The following SLC9A9 variants were observed in gnomAD, a reference collection of about 807,000 sequenced individuals.
SLC9A9 encodes solute carrier family 9 member A9.
In SLC9A9, 62 loss-of-function variants were observed where a neutral mutation model predicts 77.8. The ratio of observed to expected loss-of-function variants is 0.80; its 90% CI spans 0.65 to 0.98. SLC9A9 has a LOEUF of 0.98. SLC9A9 is among the 50% of genes least tolerant of loss of function. The pLI, the probability that SLC9A9 is intolerant of heterozygous loss-of-function variation, is 0.00. For synonymous variants in SLC9A9, 320 were observed against 283.5 expected (o/e 1.13, Z -1.29); for missense variants, 775 against 774.9 (o/e 1.00, Z 0.00).
At position 143,684,077 on chromosome 3, in the gene SLC9A9, A is replaced by T. The variant is rs570361038; in HGVS notation, c.649+9115T>A. On this transcript the variant is annotated intron_variant, in intron 5 of 15. Transcript: ENST00000316549. Reference sequence around the variant, plus strand: ...TATAGTCCCATTTTATATTTGGAGTAACTGAGGCCAAGTGAGTCAGATAAA... The same window carrying T: ...TATAGTCCCATTTTATATTTGGAGTTACTGAGGCCAAGTGAGTCAGATAAA... 3.3e-5 allele frequency among the ~76,000 whole-genome samples: 5 copies of T among 151,928 alleles called. No individual in the cohort carries two copies. In the South Asian group the frequency reaches 1.0e-3, roughly 31 times the overall value.
rs571643198 is a variant in SLC9A9 at position 143,817,303 on chromosome 3, C to T, written c.378+14716G>A. Among the ~76,000 whole-genome samples, 6 of 150,910 alleles carry T rather than the reference C, an allele frequency of 4.0e-5. No homozygotes were observed. The East Asian group carries it at 5.8e-4, about 15-fold the overall frequency. ...AGCTGGGACTACAGGCGCCCGCCAC[C>T]GCGCCCGGCTAATTTTTTGTATTTT... On this transcript the variant is annotated intron_variant, in intron 2 of 15. Coordinates refer to ENST00000316549, the MANE Select transcript of SLC9A9 (RefSeq NM_173653.4).
intron 4 of SLC9A9, among the ~76,000 whole-genome samples, chr3:143,791,156 A>G (rs1410745399): frequency 2.6e-5 from 4 of 152,236 alleles, no homozygotes; most frequent in Admixed American, 2.6e-4. Flanking sequence ...CTACTTCTCA[A>G]GTGATAAAAT....
intron 12 of SLC9A9, among the ~76,000 whole-genome samples, chr3:143,389,673 C>T (rs1004653170): frequency 6.6e-6 from 1 of 152,146 alleles, no homozygotes; most frequent in South Asian, 2.1e-4. Flanking sequence ...AAAATAGCAA[C>T]CCCCTCAGAG....
intron 12 of SLC9A9, among the ~76,000 whole-genome samples, chr3:143,453,700 C>G (rs1306103624): frequency 6.6e-6 from 1 of 152,112 alleles, no homozygotes; most frequent in African/African-American, 2.4e-5. Flanking sequence ...TAACATGTAT[C>G]TTTTCCCATT....
intron 2 of SLC9A9, among the ~76,000 whole-genome samples, chr3:143,803,080 C>T (rs2008610344): frequency 6.6e-6 from 1 of 152,156 alleles, no homozygotes; most frequent in Non-Finnish European, 1.5e-5. Context: ...ACTCTACAAC[C>T]TCGATGGACT....
chr3:143,352,600 A>T (rs1251426544), intron 14 of SLC9A9, among the ~76,000 whole-genome samples: 1 of 134,390 alleles, frequency 7.4e-6, no homozygotes, highest in Non-Finnish European at 1.5e-5. Context: ...TAGCTAAAAA[A>T]CATTCTAGTA....
Position 143,318,299 on chromosome 3 carries a change from T to C in SLC9A9, c.1604+45185A>G, listed in dbSNP as rs903800378. 3.3e-5 allele frequency among the ~76,000 whole-genome samples: 5 copies of C among 152,310 alleles called. 1 individual carries two copies. In the South Asian group the frequency reaches 6.2e-4, roughly 19 times the overall value. On this transcript the variant is annotated intron_variant, in intron 14 of 15. Coordinates refer to ENST00000316549, the MANE Select transcript of SLC9A9 (RefSeq NM_173653.4). ...ATGAGAAATAAACAACTGAGAACGATATTAGGAAGAAGCTGTCATTCCTGC... is the reference window on the plus strand; with the variant it reads ...ATGAGAAATAAACAACTGAGAACGACATTAGGAAGAAGCTGTCATTCCTGC...
At chr3:143,516,400 T>C (rs1169139788) in intron 9 of SLC9A9, among the ~76,000 whole-genome samples, 2 of 152,302 alleles carry the variant, frequency 1.3e-5, no homozygotes, top group African/African-American at 4.8e-5. Flanking sequence ...GGATTTGTTC[T>C]GTATGTTCTT....
At chr3:143,321,034 G>C (rs796870312) in intron 14 of SLC9A9, among the ~76,000 whole-genome samples, 13 of 152,308 alleles carry the variant, frequency 8.5e-5, no homozygotes, top group African/African-American at 3.1e-4. Flanking sequence ...GAAGAGGCAA[G>C]GAAAGATTCT....
At chr3:143,440,425 C>A (rs2034710997) in intron 12 of SLC9A9, among the ~76,000 whole-genome samples, 1 of 152,162 alleles carries the variant, frequency 6.6e-6, no homozygotes, top group South Asian at 2.1e-4. Flanking sequence ...ACGGGGAAGA[C>A]TAACGTGGTT....
intron 2 of SLC9A9, among the ~76,000 whole-genome samples, chr3:143,817,606 C>T (rs560275735): frequency 1.3e-5 from 2 of 152,220 alleles, no homozygotes; most frequent in South Asian, 2.1e-4. Context: ...TAATCCATCT[C>T]GGATTTATTT....
intron 1 of SLC9A9, among the ~76,000 whole-genome samples, chr3:143,843,117 A>T (rs932899212): frequency 6.6e-6 from 1 of 152,316 alleles, no homozygotes; most frequent in African/African-American, 2.4e-5. Flanking sequence ...TTCTCTATAA[A>T]AAAAGCCACA....
At chr3:143,813,930 T>A (rs998265447) in intron 2 of SLC9A9, among the ~76,000 whole-genome samples, 1 of 152,198 alleles carries the variant, frequency 6.6e-6, no homozygotes, top group African/African-American at 2.4e-5. Flanking sequence ...ATTGCCAGGC[T>A]GCAGTTACCA....
intron 2 of SLC9A9, among the ~76,000 whole-genome samples, chr3:143,806,739 G>C (rs969989189): frequency 6.7e-6 from 1 of 150,272 alleles, no homozygotes; most frequent in African/African-American, 2.4e-5. Context: ...TGTGGTGGTG[G>C]GGGGGGCAAG....
intron 4 of SLC9A9, among the ~76,000 whole-genome samples, chr3:143,762,195 G>A (rs1307127641): frequency 6.6e-6 from 1 of 152,066 alleles, no homozygotes; most frequent in East Asian, 1.9e-4. Flanking sequence ...CTGTCGTGGG[G>A]TTGGGGGAGG....
chr3:143,564,658 C>G (rs2037138815), intron 8 of SLC9A9, among the ~76,000 whole-genome samples: 1 of 152,220 alleles, frequency 6.6e-6, no homozygotes, highest in South Asian at 2.1e-4. Context: ...CCAAAGAGTA[C>G]AATTACCATC....
chr3:143,736,794 G>A (rs1934953060), intron 4 of SLC9A9, among the ~76,000 whole-genome samples: 1 of 152,152 alleles, frequency 6.6e-6, no homozygotes, highest in Non-Finnish European at 1.5e-5. Context: ...TGAGCAAAGG[G>A]CTAACATGAT....
At chr3:143,347,681 C>A (rs1306339324) in intron 14 of SLC9A9, among the ~76,000 whole-genome samples, 1 of 152,104 alleles carries the variant, frequency 6.6e-6, no homozygotes, top group Non-Finnish European at 1.5e-5. Context: ...AAAAGACCAC[C>A]AATATTGTCC....
chr3:143,398,943 G>T (rs764669465), intron 12 of SLC9A9, among the ~76,000 whole-genome samples: 28 of 151,742 alleles, frequency 1.8e-4, no homozygotes, highest in Non-Finnish European at 3.2e-4. Flanking sequence ...TTATATTATA[G>T]ACCATATTAA....
Sources: gnomAD v4.1 joint callset for allele counts (sites outside exome capture counted in the v4.1 genomes callset) on GRCh38, gnomAD v4.1.1 for gene constraint, MANE v1.5 for transcripts, NCBI Gene and HGNC (gene_info 2026-07-23, HGNC 2026-07-21) for gene names.